TPH1: variants seen among roughly 807,000 people sequenced by gnomAD.
TPH1 encodes tryptophan hydroxylase 1, also known as tryptophan 5-hydroxylase 1.
A neutral mutation model predicts 49.5 loss-of-function variants in TPH1; 37 were observed. The ratio of observed to expected loss-of-function variants is 0.75; its 90% CI spans 0.58 to 0.98. The LOEUF (loss-of-function observed/expected upper bound fraction) is 0.98, where lower values mean the gene tolerates loss of function less well. Ranked by LOEUF, TPH1 falls within the 50% of genes least tolerant of loss-of-function variation. The pLI is 0.00. For missense variants in TPH1, 487 were observed against 523.6 expected (o/e 0.93, Z 0.68); for synonymous variants, 160 against 182.1 (o/e 0.88, Z 0.98).
At chr11:18,022,054 C>G (rs1854369847) in intron 10 of TPH1, among the ~76,000 whole-genome samples, 1 of 152,226 alleles carries the variant, frequency 6.6e-6, no homozygotes, top group African/African-American at 2.4e-5. Context: ...AGGACTATGA[C>G]TTCAACCCCT....
Position 18,020,947 on chromosome 11 carries a change from A to G in TPH1, c.*44T>C. Reference sequence around the variant, plus strand: ...TCAAGGAAAGCAAGAGATGGCCCAGACCTCCGAATTGATGCTCAAATGTTC... The same window carrying G: ...TCAAGGAAAGCAAGAGATGGCCCAGGCCTCCGAATTGATGCTCAAATGTTC... On this transcript the variant is annotated 3_prime_UTR_variant, in exon 11 of 11. Transcript: ENST00000682019. 3 of 1,596,628 alleles carry G rather than the reference A, an allele frequency of 1.9e-6. No homozygotes were observed. The highest frequency in any genetic ancestry group is 2.6e-6 in the Non-Finnish European group (3 of 1,164,352).
rs1398862882 is a variant in TPH1, at chr11:18,022,944, G to A, written c.1027-13C>T. 23 of 1,612,558 alleles carry A rather than the reference G, an allele frequency of 1.4e-5. No homozygotes were observed. The highest frequency in any genetic ancestry group is 1.9e-5 in the Non-Finnish European group (22 of 1,179,312). ...CAGAAAGTGCATGCTAGAAGACAAA[G>A]AGTCAGTGAATCAAAGAATAATATC... On this transcript the variant is annotated splice_polypyrimidine_tract_variant and intron_variant, in intron 9 of 10. Coordinates refer to ENST00000682019, the MANE Select transcript of TPH1 (RefSeq NM_004179.3).
At position 18,026,387 on chromosome 11, in the gene TPH1, G is replaced by A. The variant is rs545148637; in HGVS notation, c.803+103C>T. ...ACATGTGCTAATTTATTTAATCCTC[G>A]CACACCAAAAAAAAAAAAAAAAAAA... is the stretch of plus-strand genomic sequence containing the variant. On this transcript the variant is annotated intron_variant, in intron 7 of 10. Transcript: ENST00000682019. 3.2e-5 allele frequency: 33 copies of A among 1,046,016 alleles called. No individual in the cohort carries two copies. The Admixed American group carries it at 6.1e-4, about 19-fold the overall frequency. The allele number at this position is 1,046,016 out of a possible 1,614,324, so 64.8% of individuals were successfully genotyped here.
At position 18,023,232 on chromosome 11, in the gene TPH1, C is replaced by T. The variant is rs180861884; in HGVS notation, c.1027-301G>A. 165 of 367,558 alleles carry T rather than the reference C, an allele frequency of 4.5e-4. 1 individual carries two copies. Among genetic ancestry groups the T allele is most frequent in the Non-Finnish European group, 1.5e-4 (30 of 194,346 alleles). 22.8% of individuals were successfully genotyped at this position (367,558 alleles called of 1,614,324 possible). A position where few individuals can be genotyped will look rare whatever the true frequency, so the allele number is the denominator to read the frequency against. ...CCTGTATTATGGCACCTACTTTCTA[C>T]CCAACACTAGTTATTCCTATGTATG... On this transcript the variant is annotated intron_variant, in intron 9 of 10. Transcript: ENST00000682019.
chr11:18,021,216 G>A (rs776633846), intron 10 of TPH1, 51 bp from the exon 11 acceptor site: 1 of 1,555,370 alleles, frequency 6.4e-7, no homozygotes. Flanking sequence ...AGTGAATGAT[G>A]AAAACTAAAC....
chr11:18,036,028 G>A lies in TPH1; in HGVS notation c.232C>T (p.His78Tyr), dbSNP rs146455709. Residue 78 changes from histidine to tyrosine, a missense_variant, in exon 3 of 11, where the codon CAT becomes TAT. Coordinates refer to ENST00000682019, the MANE Select transcript of TPH1 (RefSeq NM_004179.3). Reference sequence around the variant, plus strand: ...ACATTGGTATGAGACTTCAGCAGATGAAAAATATCATTCAATTGTTCTCTG... The same window carrying A: ...ACATTGGTATGAGACTTCAGCAGATAAAAAATATCATTCAATTGTTCTCTG... Reference protein sequence around the residue: ...INREQLNDIFHLLKSHTNVLS... With the variant: ...INREQLNDIFYLLKSHTNVLS... 3.8e-4 allele frequency: 614 copies of A among 1,612,674 alleles called. 4 individuals carry two copies. The highest frequency in any genetic ancestry group is 1.5e-4 in the Admixed American group (9 of 60,010).
intron 7 of TPH1, 96 bp downstream of exon 7, chr11:18,026,394 A>C (rs75711487): frequency 1.3e-5 from 1 of 76,290 alleles, no homozygotes; most frequent in Non-Finnish European, 2.3e-5. Context: ...CTCGCACACC[A>C]AAAAAAAAAA....
At chr11:18,030,656 CTCA>C (rs1406159813) in intron 4 of TPH1, among the ~76,000 whole-genome samples, 4 of 152,032 alleles carry the variant, frequency 2.6e-5, no homozygotes, top group African/African-American at 9.7e-5. Context: ...CAATAAATGT[CTCA>C]TCATATTGTA....
chr11:18,042,834 G>A (rs1362740461), intron 1 of TPH1, among the ~76,000 whole-genome samples: 1 of 152,118 alleles, frequency 6.6e-6, no homozygotes, highest in African/African-American at 2.4e-5. Context: ...TTTACAAGAT[G>A]GTTAACATAT....
intron 1 of TPH1, among the ~76,000 whole-genome samples, chr11:18,043,823 G>A (rs954779348): frequency 2.0e-5 from 3 of 151,760 alleles, no homozygotes; most frequent in Non-Finnish European, 2.9e-5. Flanking sequence ...CCATGATCGC[G>A]CCACTGCAGT....
chr11:18,041,498 A>G (rs1848098211), intron 1 of TPH1, among the ~76,000 whole-genome samples: 1 of 152,202 alleles, frequency 6.6e-6, no homozygotes, highest in African/African-American at 2.4e-5. Context: ...TAACCTTTCT[A>G]ATATAAAACT....
intron 2 of TPH1, 87 bp downstream of exon 2, chr11:18,040,559 G>T (rs1472059855): frequency 3.0e-6 from 4 of 1,320,230 alleles, no homozygotes; most frequent in African/African-American, 3.0e-5. Flanking sequence ...AAGAGATAGG[G>T]TCTTGCTATG....
chr11:18,033,844 A>G (rs1275301670), intron 3 of TPH1, among the ~76,000 whole-genome samples: 1 of 152,150 alleles, frequency 6.6e-6, no homozygotes, highest in Non-Finnish European at 1.5e-5. Flanking sequence ...TCATAAGACT[A>G]TGGGGTTTTA....
rs562760949 is a variant in TPH1, at chr11:18,043,254, C to G, written c.-26-2466G>C. ...TGGTAACACTAACAGAATTCTAGATCTCCTGATAATTTGTCTTTCAACAAC... is the reference window on the plus strand; with the variant it reads ...TGGTAACACTAACAGAATTCTAGATGTCCTGATAATTTGTCTTTCAACAAC... On this transcript the variant is annotated intron_variant, in intron 1 of 10. Coordinates refer to ENST00000682019, the MANE Select transcript of TPH1 (RefSeq NM_004179.3). 2.6e-5 allele frequency among the ~76,000 whole-genome samples: 4 copies of G among 152,298 alleles called. No homozygotes were observed. In the East Asian group the frequency reaches 7.7e-4, roughly 29 times the overall value.
At chr11:18,032,007 C>G (rs1311697219) in intron 4 of TPH1, among the ~76,000 whole-genome samples, 1 of 151,972 alleles carries the variant, frequency 6.6e-6, no homozygotes, top group Non-Finnish European at 1.5e-5. Context: ...CCGGCAAGTA[C>G]TGCAATTAAT....
chr11:18,040,051 A>G (rs989409728), intron 2 of TPH1, among the ~76,000 whole-genome samples: 4 of 151,134 alleles, frequency 2.6e-5, no homozygotes, highest in African/African-American at 7.3e-5. Flanking sequence ...ATATACTATG[A>G]CTATATCATT....
chr11:18,021,242 T>A (rs549649058), intron 10 of TPH1, 77 bp from the exon 11 acceptor site: 140 of 1,435,960 alleles, frequency 9.7e-5, no homozygotes, highest in South Asian at 4.1e-4. Flanking sequence ...ACAGAATATA[T>A]TTCACATACT....
In TPH1 at chr11:18,026,392, CCAA is replaced by C; in HGVS notation, c.803+95_803+97del. 33 of 914,876 alleles carry C rather than the reference CCAA, an allele frequency of 3.6e-5. No individual in the cohort carries two copies. In the East Asian group the frequency reaches 7.9e-4, roughly 22 times the overall value. The allele number at this position is 914,876 out of a possible 1,614,324, so 56.7% of individuals were successfully genotyped here. A position where few individuals can be genotyped will look rare whatever the true frequency, so the allele number is the denominator to read the frequency against. On this transcript the variant is annotated intron_variant, in intron 7 of 10. Transcript: ENST00000682019. ...TGCTAATTTATTTAATCCTCGCACA[CCAA>C]AAAAAAAAAAAAAAAAAAAAAAGAA...
At chr11:18,036,494 A>T (rs1488441616) in intron 2 of TPH1, among the ~76,000 whole-genome samples, 3 of 152,226 alleles carry the variant, frequency 2.0e-5, no homozygotes, top group Non-Finnish European at 2.9e-5. Flanking sequence ...AAAAAGTGAT[A>T]CCAATGTTAG....
Sources: gnomAD v4.1 joint callset for allele counts (sites outside exome capture counted in the v4.1 genomes callset) on GRCh38, gnomAD v4.1.1 for gene constraint, MANE v1.5 for transcripts, NCBI Gene and HGNC (gene_info 2026-07-23, HGNC 2026-07-21) for gene names.